The following ANKRD28 variants were observed in gnomAD, a reference collection of about 807,000 sequenced individuals.
ANKRD28 encodes ankyrin repeat domain 28, also known as serine/threonine-protein phosphatase 6 regulatory ankyrin repeat subunit A.
A neutral mutation model predicts 126.5 loss-of-function variants in ANKRD28; 44 were observed. That is an observed-to-expected ratio of 0.35 (90% CI 0.27 to 0.45). The LOEUF (loss-of-function observed/expected upper bound fraction) is 0.45. ANKRD28 is among the 20% of genes least tolerant of loss of function. The pLI, the probability that ANKRD28 is intolerant of heterozygous loss-of-function variation, is 1.00. For missense variants in ANKRD28, 1,110 were observed against 1,316.6 expected, an observed-to-expected ratio of 0.84 and a Z score of 2.43; for synonymous variants, 442 against 468.5, an observed-to-expected ratio of 0.94 and a Z score of 0.73.
At chr3:15,714,754 C>T in intron 8 of ANKRD28, 98 bp from the exon 9 acceptor site, 1 of 785,536 alleles carries the variant, frequency 1.3e-6, no homozygotes, top group East Asian at 3.2e-5. Context: ...ATTTTTATAA[C>T]TATTTTACAT....
intron 14 of ANKRD28, among the ~76,000 whole-genome samples, chr3:15,703,478 T>A (rs1394372797): frequency 6.6e-6 from 1 of 152,174 alleles, no homozygotes; most frequent in Non-Finnish European, 1.5e-5. Flanking sequence ...AGTGTCCTTA[T>A]AAATAAGGCC....
intron 2 of ANKRD28, among the ~76,000 whole-genome samples, chr3:15,786,275 G>A (rs934113562): frequency 2.0e-5 from 3 of 152,030 alleles, no homozygotes; most frequent in African/African-American, 7.2e-5. Context: ...ATTCATTTGT[G>A]GTGGCAGTAA....
chr3:15,834,879 G>A (rs2061288806), intron 1 of ANKRD28, among the ~76,000 whole-genome samples: 1 of 152,204 alleles, frequency 6.6e-6, no homozygotes, highest in African/African-American at 2.4e-5. Flanking sequence ...AAGAACTGCT[G>A]ATAATACCCA....
chr3:15,706,283 T>C (rs972308155), intron 14 of ANKRD28, among the ~76,000 whole-genome samples: 2 of 151,080 alleles, frequency 1.3e-5, no homozygotes, highest in Non-Finnish European at 3.0e-5. Flanking sequence ...ATGTTCCCCT[T>C]CCTGTGTCCA....
intron 2 of ANKRD28, among the ~76,000 whole-genome samples, chr3:15,789,385 C>A (rs1006049894): frequency 4.0e-5 from 6 of 151,728 alleles, no homozygotes; most frequent in African/African-American, 1.5e-4. Context: ...ACCAATGGAA[C>A]CTTAGGAAGG....
rs760103466 is a variant in ANKRD28, at chr3:15,737,219, T to C, written c.366A>G (p.Val122=). The C allele has an allele frequency of 1.2e-5, 19 of 1,613,740 alleles. No homozygotes were observed. In the Admixed American group the frequency reaches 2.8e-4, roughly 24 times the overall value. Residue 122 remains valine (V), a synonymous_variant, in exon 5 of 28, where the codon GTA becomes GTG. Coordinates refer to ENST00000683139, the MANE Select transcript of ANKRD28 (RefSeq NM_001349278.2). ...VASCSEEAVQ[V]LLKHSADVNA... is the part of the protein sequence containing the mutation. ...TAACATCTGCAGAATGCTTCAAAAGTACCTGAACTGCTTCCTAAAACATAT... is the reference window on the plus strand; with the variant it reads ...TAACATCTGCAGAATGCTTCAAAAGCACCTGAACTGCTTCCTAAAACATAT...
intron 6 of ANKRD28, among the ~76,000 whole-genome samples, chr3:15,725,141 G>C (rs2074058134): frequency 6.6e-6 from 1 of 151,940 alleles, no homozygotes; most frequent in African/African-American, 2.4e-5. Context: ...CATAAAAACA[G>C]TTAAAAAAAT....
chr3:15,794,999 G>GA (rs1243606733), intron 2 of ANKRD28, among the ~76,000 whole-genome samples: 1 of 152,008 alleles, frequency 6.6e-6, no homozygotes, highest in Admixed American at 6.6e-5. Context: ...CCCTATGTTT[G>GA]AAAAATTTCA....
At chr3:15,738,046 G>A (rs918734947) in intron 4 of ANKRD28, among the ~76,000 whole-genome samples, 1 of 152,024 alleles carries the variant, frequency 6.6e-6, no homozygotes, top group Non-Finnish European at 1.5e-5. Flanking sequence ...TCTATAAATT[G>A]GACTCATGGC....
chr3:15,829,379 C>A (rs1267458170), intron 1 of ANKRD28, among the ~76,000 whole-genome samples: 1 of 152,106 alleles, frequency 6.6e-6, no homozygotes, highest in Non-Finnish European at 1.5e-5. Flanking sequence ...CTCATGGTAG[C>A]ATATTTTTAG....
At chr3:15,794,505 C>T (rs1389627186) in intron 2 of ANKRD28, among the ~76,000 whole-genome samples, 2 of 152,116 alleles carry the variant, frequency 1.3e-5, no homozygotes, top group Non-Finnish European at 2.9e-5. Context: ...AAAATATATA[C>T]ATTAGTGGAT....
At chr3:15,785,717 A>C (rs758687434) in intron 2 of ANKRD28, among the ~76,000 whole-genome samples, 2 of 152,114 alleles carry the variant, frequency 1.3e-5, no homozygotes, top group African/African-American at 2.4e-5. Context: ...TTACCCAAAG[A>C]AGCTGAAAAT....
At chr3:15,736,350 T>C (rs982605440) in intron 5 of ANKRD28, among the ~76,000 whole-genome samples, 55 of 152,228 alleles carry the variant, frequency 3.6e-4, no homozygotes, top group African/African-American at 1.3e-3. Flanking sequence ...CAGGCATCCA[T>C]AGGGGGTCCA....
intron 1 of ANKRD28, among the ~76,000 whole-genome samples, chr3:15,835,926 G>A (rs1175430765): frequency 1.3e-5 from 2 of 152,152 alleles, no homozygotes; most frequent in Admixed American, 1.3e-4. Context: ...AAAAATGACA[G>A]TATAAAAGGC....
At chr3:15,681,601 T>C (rs900300389) in intron 21 of ANKRD28, among the ~76,000 whole-genome samples, 4 of 152,222 alleles carry the variant, frequency 2.6e-5, no homozygotes, top group African/African-American at 7.2e-5. Context: ...CAAAGTGATG[T>C]TATATTTTCT....
chr3:15,828,510 C>A (rs1255244825), intron 1 of ANKRD28, among the ~76,000 whole-genome samples: 1 of 151,966 alleles, frequency 6.6e-6, no homozygotes, highest in Non-Finnish European at 1.5e-5. Flanking sequence ...TGAAGATAAA[C>A]TGTGGGCTTG....
At chr3:15,807,024 T>TA (rs1229291253) in intron 1 of ANKRD28, among the ~76,000 whole-genome samples, 1 of 152,250 alleles carries the variant, frequency 6.6e-6, no homozygotes, top group Non-Finnish European at 1.5e-5. Flanking sequence ...CTGATTCAGT[T>TA]ATCCAATGCC....
chr3:15,717,798 T>C (rs936161937), intron 8 of ANKRD28, among the ~76,000 whole-genome samples: 2 of 152,188 alleles, frequency 1.3e-5, no homozygotes, highest in Non-Finnish European at 2.9e-5. Context: ...AGACCTATAC[T>C]GCTTTATAAA....
At chr3:15,774,944 T>G (rs2059185940) in intron 2 of ANKRD28, among the ~76,000 whole-genome samples, 1 of 126,830 alleles carries the variant, frequency 7.9e-6, no homozygotes, top group African/African-American at 3.1e-5. Context: ...CAGCACAATC[T>G]CGGCTCACTG....
Sources: gnomAD v4.1 joint callset for allele counts (sites outside exome capture counted in the v4.1 genomes callset) on GRCh38, gnomAD v4.1.1 for gene constraint, MANE v1.5 for transcripts, NCBI Gene and HGNC (gene_info 2026-07-23, HGNC 2026-07-21) for gene names.